The following IFT80 variants were observed in gnomAD, a reference collection of about 807,000 sequenced individuals.
IFT80 encodes the protein intraflagellar transport 80, also known as intraflagellar transport protein 80 homolog.
A neutral mutation model predicts 107.9 loss-of-function variants in IFT80; 79 were observed. That is an observed-to-expected ratio of 0.73 (90% CI 0.61 to 0.88). The LOEUF is 0.88. Ranked by LOEUF, IFT80 falls within the 40% of genes least tolerant of loss-of-function variation. The pLI is 0.00. For missense variants in IFT80, 797 were observed against 914.2 expected, an observed-to-expected ratio of 0.87 and a Z score of 1.65; for synonymous variants, 299 against 300.9, an observed-to-expected ratio of 0.99 and a Z score of 0.07.
intron 1 of IFT80, among the ~76,000 whole-genome samples, chr3:160,390,252 T>C (rs1352652344): frequency 6.6e-6 from 1 of 151,948 alleles, no homozygotes; most frequent in African/African-American, 2.4e-5. Context: ...ACCCTGTCTC[T>C]ACTAAAAATA....
chr3:160,289,237 T>C (rs1347164942), intron 12 of IFT80, among the ~76,000 whole-genome samples: 1 of 152,108 alleles, frequency 6.6e-6, no homozygotes, highest in African/African-American at 2.4e-5. Flanking sequence ...TGTTCACACT[T>C]ATAAGTGGGA....
chr3:160,349,759 A>G (rs1720543949), intron 8 of IFT80, among the ~76,000 whole-genome samples: 1 of 152,190 alleles, frequency 6.6e-6, no homozygotes, highest in Non-Finnish European at 1.5e-5. Flanking sequence ...GAAAGAGAAA[A>G]CATTGTGTGA....
At position 160,260,370 on chromosome 3, in the gene IFT80, T is replaced by C. The variant is rs552103996; in HGVS notation, c.2224-1735A>G. Among the ~76,000 whole-genome samples the C allele has an allele frequency of 5.9e-5, 9 of 152,320 alleles. No homozygotes were observed. The South Asian group carries it at 8.3e-4, about 14-fold the overall frequency. On this transcript the variant is annotated intron_variant, in intron 19 of 19. Coordinates refer to ENST00000326448, the MANE Select transcript of IFT80 (RefSeq NM_020800.3). ...ATTTCTATGTCTAACAAAACACTTATAGAGAAGACGAAACTTGATGGATGC... is the reference window on the plus strand; with the variant it reads ...ATTTCTATGTCTAACAAAACACTTACAGAGAAGACGAAACTTGATGGATGC...
chr3:160,295,487 T>C (rs1715903397), intron 12 of IFT80, among the ~76,000 whole-genome samples: 1 of 151,924 alleles, frequency 6.6e-6, no homozygotes, highest in African/African-American at 2.4e-5. Flanking sequence ...TGCCTGCCTG[T>C]AGCCCAGATA....
rs563390520 is a variant in IFT80 at position 160,335,815 on chromosome 3, C to A, written c.778-15876G>T. ...AGGAAACCCCATATCCATCAGAAGT[C>A]ATTCCCATTCCCTGCATCCCTCAGC... On this transcript the variant is annotated intron_variant, in intron 8 of 19. Coordinates refer to ENST00000326448, the MANE Select transcript of IFT80 (RefSeq NM_020800.3). Among the ~76,000 whole-genome samples the A allele has an allele frequency of 4.6e-5, 7 of 152,294 alleles. 1 individual carries two copies. The South Asian group carries it at 1.5e-3, about 32-fold the overall frequency.
At chr3:160,326,156 A>G (rs1330049655) in intron 8 of IFT80, among the ~76,000 whole-genome samples, 32 of 152,110 alleles carry the variant, frequency 2.1e-4, no homozygotes. Flanking sequence ...AAAGATTAAG[A>G]AATAAATTAA....
intron 5 of IFT80, among the ~76,000 whole-genome samples, chr3:160,368,034 G>A (rs1157153238): frequency 4.6e-5 from 7 of 151,826 alleles, no homozygotes; most frequent in African/African-American, 1.7e-4. Flanking sequence ...TCAGACTATT[G>A]TAGTAATTGA....
At chr3:160,384,245 C>CAAA (rs201854757) in intron 2 of IFT80, 91 of 176,554 alleles carry the variant, frequency 5.2e-4, no homozygotes, top group Non-Finnish European at 6.8e-4. Flanking sequence ...GACTCTGTCT[C>CAAA]AAAAAAAAAA....
At chr3:160,355,701 A>G (rs1232320847) in intron 8 of IFT80, among the ~76,000 whole-genome samples, 2 of 152,236 alleles carry the variant, frequency 1.3e-5, no homozygotes, top group African/African-American at 4.8e-5. Flanking sequence ...AGAAAAAAAA[A>G]GTTTAAAACT....
chr3:160,380,505 G>C (rs1712394208), intron 3 of IFT80, among the ~76,000 whole-genome samples: 1 of 152,118 alleles, frequency 6.6e-6, no homozygotes, highest in Non-Finnish European at 1.5e-5. Context: ...GGTGAGAACA[G>C]GGACCCGATG....
chr3:160,349,398 G>A (rs923068634), intron 8 of IFT80, among the ~76,000 whole-genome samples: 2 of 151,836 alleles, frequency 1.3e-5, no homozygotes, highest in Non-Finnish European at 1.5e-5. Flanking sequence ...GCAGTGAGCC[G>A]AGATCGCTCC....
chr3:160,352,473 C>T (rs995471689), intron 8 of IFT80, among the ~76,000 whole-genome samples: 6 of 152,114 alleles, frequency 3.9e-5, no homozygotes, highest in South Asian at 2.1e-4. Context: ...CTAAGCATTG[C>T]CCATTTCAGG....
rs528611336 is a variant in IFT80 at position 160,339,073 on chromosome 3, A to G, written c.777+16940T>C. Among the ~76,000 whole-genome samples, 5 of 152,290 alleles carry G rather than the reference A, an allele frequency of 3.3e-5. No individual in the cohort carries two copies. In the East Asian group the frequency reaches 9.6e-4, roughly 29 times the overall value. On this transcript the variant is annotated intron_variant, in intron 8 of 19. Transcript: ENST00000326448. ...GCTTACCTAGCATCTTCAGGATGCT[A>G]TGTTTCTGGAATATTGATAATGTTC... is the stretch of plus-strand genomic sequence containing the variant.
At chr3:160,391,158 A>G (rs1375495141) in intron 1 of IFT80, among the ~76,000 whole-genome samples, 1 of 152,186 alleles carries the variant, frequency 6.6e-6, no homozygotes, top group African/African-American at 2.4e-5. Flanking sequence ...CTGCTGCTAT[A>G]CACTGCTGCT....
intron 18 of IFT80, among the ~76,000 whole-genome samples, chr3:160,275,702 C>T (rs4679880): frequency 0.31 from 46,329 of 151,806 alleles, 8,118 homozygotes; most frequent in African/African-American, 0.48. Context: ...GTAGTGTCTA[C>T]GATTTCAACA....
At chr3:160,360,832 C>A (rs942222411) in intron 6 of IFT80, among the ~76,000 whole-genome samples, 2 of 152,116 alleles carry the variant, frequency 1.3e-5, no homozygotes, top group Non-Finnish European at 2.9e-5. Flanking sequence ...ACCACCAGGC[C>A]TGCCTTACAA....
At chr3:160,305,518 G>A (rs932601094) in intron 10 of IFT80, among the ~76,000 whole-genome samples, 8 of 152,094 alleles carry the variant, frequency 5.3e-5, no homozygotes, top group African/African-American at 1.7e-4. Flanking sequence ...AAGAGGGTTG[G>A]TAAGAAAAGT....
chr3:160,379,775 G>A (rs991649752), intron 3 of IFT80, among the ~76,000 whole-genome samples: 1 of 152,108 alleles, frequency 6.6e-6, no homozygotes, highest in Non-Finnish European at 1.5e-5. Flanking sequence ...TCTAGCTGTG[G>A]TTCAGGGCCA....
intron 5 of IFT80, among the ~76,000 whole-genome samples, chr3:160,374,022 G>C (rs1711782766): frequency 6.6e-6 from 1 of 152,136 alleles, no homozygotes; most frequent in Non-Finnish European, 1.5e-5. Flanking sequence ...CTTATTCCAA[G>C]TTTCCATTTT....
Sources: gnomAD v4.1 joint callset for allele counts (sites outside exome capture counted in the v4.1 genomes callset) on GRCh38, gnomAD v4.1.1 for gene constraint, MANE v1.5 for transcripts, NCBI Gene and HGNC (gene_info 2026-07-23, HGNC 2026-07-21) for gene names.